Variants in FITM1 observed in about 807,000 individuals in gnomAD.
FITM1 encodes the protein fat storage-inducing transmembrane protein 1.
In FITM1, 11 loss-of-function variants were observed where a neutral mutation model predicts 22.2. The ratio of observed to expected loss-of-function variants is 0.50; its 90% CI spans 0.31 to 0.82. The LOEUF (loss-of-function observed/expected upper bound fraction) is 0.82, where lower values mean the gene tolerates loss of function less well. Among genes scored for constraint, FITM1 ranks in the 40% least tolerant of loss-of-function variants. The pLI is 0.04. For synonymous variants in FITM1, 164 were observed against 174.0 expected, an observed-to-expected ratio of 0.94 and a Z score of 0.45; for missense variants, 394 against 386.4, an observed-to-expected ratio of 1.02 and a Z score of -0.17.
chr14:24,131,905 T>TC, intron 1 of FITM1, 76 bp downstream of exon 1: 1 of 1,497,522 alleles, frequency 6.7e-7, no homozygotes, highest in South Asian at 1.3e-5. Context: ...GCTTCTGTCC[T>TC]CCTGCCAGTC....
In FITM1 at chr14:24,131,688, A is replaced by G; in HGVS notation, c.125A>G (p.Gln42Arg). ...GCCTTGCTGTACTTTGGAAGCGAAC[A>G]GGCCGCCCGCCTTCTGGGCAGCCCC... ...ASALLYFGSE[Q>R]AARLLGSPCL... is the part of the protein sequence containing the mutation. Residue 42 changes from glutamine to arginine, a missense_variant, in exon 1 of 2, where the codon CAG becomes CGG. By Grantham distance (43) the Gln-to-Arg change is conservative. Coordinates refer to ENST00000267426, the MANE Select transcript of FITM1 (RefSeq NM_203402.3). 1 of 1,614,142 alleles carries G rather than the reference A, an allele frequency of 6.2e-7. No homozygotes were observed. The highest frequency in any genetic ancestry group is 8.5e-7 in the Non-Finnish European group (1 of 1,180,048).
Position 24,131,674 on chromosome 14 carries a change from C to T in FITM1, c.111C>T (p.Tyr37=), listed in dbSNP as rs780534140. ...TCTGGGTGGCCTCTGCCTTGCTGTA[C>T]TTTGGAAGCGAACAGGCCGCCCGCC... ...VLLWVASALL[Y]FGSEQAARLL... The change falls in exon 1 of 2, where the codon TAC becomes TAT. Residue 37 remains tyrosine, a synonymous_variant. Transcript: ENST00000267426. 1 of 1,614,102 alleles carries T rather than the reference C, an allele frequency of 6.2e-7. No homozygotes were observed. The highest frequency in any genetic ancestry group is 8.5e-7 in the Non-Finnish European group (1 of 1,180,038).
rs759507646 is a variant in FITM1 at position 24,132,809 on chromosome 14, C to T, written c.865C>T (p.Arg289Cys). ...HGLFPRPHSSRKHN is the reference protein window; with the variant it reads ...HGLFPRPHSSCKHN ...GCTCTTCCCCCGTCCCCACTCCAGC[C>T]GCAAGCATAACTGAAAGAAATAAAA... Residue 289 changes from arginine to cysteine, a missense_variant, in exon 2 of 2, where the codon CGC (arginine) becomes TGC (cysteine). Arg to Cys is a radical substitution (Grantham distance 180). Coordinates refer to ENST00000267426, the MANE Select transcript of FITM1 (RefSeq NM_203402.3). The T allele has an allele frequency of 4.0e-5, 65 of 1,609,418 alleles. No homozygotes were observed. The Middle Eastern group carries it at 2.2e-3, about 53-fold the overall frequency.
Position 24,132,647 on chromosome 14 carries a change from T to C in FITM1, c.703T>C (p.Leu235=), listed in dbSNP as rs760434431. The C allele has an allele frequency of 1.4e-5, 23 of 1,613,606 alleles. No individual in the cohort carries two copies. The highest frequency in any genetic ancestry group is 1.9e-5 in the Non-Finnish European group (23 of 1,180,036). Residue 235 remains leucine (L), a synonymous_variant, in exon 2 of 2, where the codon TTG becomes CTG. Transcript: ENST00000267426. ...GCTGCTGCTGGGCCTCTGGAACTTC[T>C]TGCTGCTCTGTACCGTCATCTATTT... is the stretch of plus-strand genomic sequence containing the variant. ...NVLLLGLWNF[L]LLCTVIYFHQ...
chr14:24,131,818 C>G lies in FITM1; in HGVS notation c.255C>G (p.Asn85Lys). 6.3e-7 allele frequency: 1 copy of G among 1,588,324 alleles called. No homozygotes were observed. The highest frequency in any genetic ancestry group is 1.1e-5 in the South Asian group (1 of 87,482). ...NPRTIFASHG[N>K]FFNIKFVNSA... ...GGACTATCTTCGCCAGCCACGGCAA[C>G]TTCTTCAACATGTGAGTCCACTCAA... is the stretch of plus-strand genomic sequence containing the variant. The change falls in exon 1 of 2, where the codon AAC becomes AAG. Residue 85 changes from asparagine (N) to lysine (K), a missense_variant. Coordinates refer to ENST00000267426, the MANE Select transcript of FITM1 (RefSeq NM_203402.3).
chr14:24,130,996 G>C lies in FITM1; in HGVS notation c.-568G>C, dbSNP rs1594347857. The stretch of plus-strand genomic sequence containing the variant: ...GGGCACTGAAGTGGATACCCATGCT[G>C]ATCTGCCTCCCAAGGCCTATGATGG... On this transcript the variant is annotated 5_prime_UTR_variant, in exon 1 of 2. Coordinates refer to ENST00000267426, the MANE Select transcript of FITM1 (RefSeq NM_203402.3). Among the ~76,000 whole-genome samples the C allele has an allele frequency of 6.6e-6, 1 of 152,368 alleles. No homozygotes were observed. The highest frequency in any genetic ancestry group is 3.4e-3 in the Middle Eastern group (1 of 294).
Position 24,131,273 on chromosome 14 carries a change from C to A in FITM1, c.-291C>A. ...CAGCCCTGAACAGCTGGCCCTGTCA[C>A]AGGAACTGGAACATGGTCGGAGCCA... On this transcript the variant is annotated 5_prime_UTR_variant, in exon 1 of 2. Coordinates refer to ENST00000267426, the MANE Select transcript of FITM1 (RefSeq NM_203402.3). 1 of 616,788 alleles carries A rather than the reference C, an allele frequency of 1.6e-6. No homozygotes were observed. Among genetic ancestry groups the A allele is most frequent in the Non-Finnish European group, 2.9e-6 (1 of 341,076 alleles). The allele number at this position is 616,788 out of a possible 1,614,324, so 38.2% of individuals were successfully genotyped here. A position where few individuals can be genotyped will look rare whatever the true frequency, so the allele number is the denominator to read the frequency against.
In FITM1 at chr14:24,132,459, TGGCAGCCGGCCACCA is replaced by T; in HGVS notation, c.517_531del (p.Ala173_Gln177del). ...GAGCTGCCTGACCGCCGCAGCTGCCTGGCAGCCGGCCACCAGTGGCGAGGCTACACCGTCTCCTCC... is the reference window on the plus strand; with the variant it reads ...GAGCTGCCTGACCGCCGCAGCTGCCTGTGGCGAGGCTACACCGTCTCCTCC... On this transcript the variant is annotated inframe_deletion, in exon 2 of 2. Transcript: ENST00000267426. 6.2e-7 allele frequency: 1 copy of T among 1,605,624 alleles called. No homozygotes were observed. The highest frequency in any genetic ancestry group is 8.5e-7 in the Non-Finnish European group (1 of 1,179,890).
chr14:24,131,661 C>G lies in FITM1; in HGVS notation c.98C>G (p.Ser33Cys). 1.9e-6 allele frequency: 3 copies of G among 1,613,938 alleles called. No homozygotes were observed. Among genetic ancestry groups the G allele is most frequent in the Non-Finnish European group, 2.5e-6 (3 of 1,180,016 alleles). ...CLLKVLLWVA[S>C]ALLYFGSEQA... is the part of the protein sequence containing the mutation. ...CTCAAGGTGCTGCTCTGGGTGGCCT[C>G]TGCCTTGCTGTACTTTGGAAGCGAA... is the stretch of plus-strand genomic sequence containing the variant. The change falls in exon 1 of 2, where the codon TCT (serine) becomes TGT (cysteine). Residue 33 changes from serine to cysteine, a missense_variant. By Grantham distance (112) the Ser-to-Cys change is moderately radical. Coordinates refer to ENST00000267426, the MANE Select transcript of FITM1 (RefSeq NM_203402.3).
At position 24,132,227 on chromosome 14, in the gene FITM1, G is replaced by A. The variant is rs372420911; in HGVS notation, c.283G>A (p.Ala95Thr). 26 of 1,610,840 alleles carry A rather than the reference G, an allele frequency of 1.6e-5. No individual in the cohort carries two copies. The highest frequency in any genetic ancestry group is 3.4e-5 in the Admixed American group (2 of 58,714). ...TGCCCACAGAAAATTTGTGAATTCA[G>A]CCTGGGGCTGGACATGCACTTTCTT... Reference protein sequence around the residue: ...NFFNIKFVNSAWGWTCTFLGG... With the variant: ...NFFNIKFVNSTWGWTCTFLGG... The change falls in exon 2 of 2, where the codon GCC becomes ACC. Residue 95 changes from alanine to threonine, a missense_variant. Ala to Thr is a moderately conservative substitution (Grantham distance 58). Transcript: ENST00000267426.
chr14:24,131,630 T>TGGAATCCAG lies in FITM1; in HGVS notation c.68_69insGAATCCAGG (p.Cys23delinsTrpAsnProGly). The stretch of plus-strand genomic sequence containing the variant: ...GGCCCGAATCCAGGCACTGCTGGGC[T>TGGAATCCAG]GCCTGCTCAAGGTGCTGCTCTGGGT... On this transcript the variant is annotated protein_altering_variant, in exon 1 of 2. Transcript: ENST00000267426. The TGGAATCCAG allele has an allele frequency of 6.2e-7, 1 of 1,612,422 alleles. No homozygotes were observed. The highest frequency in any genetic ancestry group is 8.5e-7 in the Non-Finnish European group (1 of 1,179,420).
rs768301865 is a variant in FITM1, at chr14:24,132,587, GGC to G, written c.646_647del (p.Ala216ProfsTer76). On this transcript the variant is annotated frameshift_variant, in exon 2 of 2. Transcript: ENST00000267426. LOFTEE classifies it high-confidence loss of function. ...GTACCTGGCCCATGGGCTTCCTGCC[GGC>G]GCCCCACTGCGCCTTGTCTTCCTGC... is the stretch of plus-strand genomic sequence containing the variant. ...AKYLAHGLPA[G>X]APLRLVFLLN... The G allele has an allele frequency of 5.8e-5, 94 of 1,610,054 alleles. No homozygotes were observed. The highest frequency in any genetic ancestry group is 7.7e-5 in the Non-Finnish European group (91 of 1,180,026).
Position 24,131,743 on chromosome 14 carries a change from G to A in FITM1, c.180G>A (p.Leu60=), listed in dbSNP as rs1566598448. The A allele has an allele frequency of 6.2e-7, 1 of 1,614,126 alleles. No homozygotes were observed. The highest frequency in any genetic ancestry group is 8.5e-7 in the Non-Finnish European group (1 of 1,180,020). The stretch of plus-strand genomic sequence containing the variant: ...TACGGCGCCTCTACCATGCCTGGCT[G>A]GCAGCAGTGGTCATCTTTGGGCCGC... ...PCLRRLYHAW[L]AAVVIFGPLL... Residue 60 remains leucine (L), a synonymous_variant, in exon 1 of 2, where the codon CTG becomes CTA. Transcript: ENST00000267426.
In FITM1 at chr14:24,131,782, T is replaced by A; in HGVS notation, c.219T>A (p.His73Gln). The change falls in exon 1 of 2, where the codon CAT (histidine) becomes CAA (glutamine). Residue 73 changes from histidine to glutamine, a missense_variant. Transcript: ENST00000267426. ...VVIFGPLLQF[H>Q]VNPRTIFASH... ...TCTTTGGGCCGCTTCTGCAGTTCCATGTCAACCCTCGGACTATCTTCGCCA... is the reference window on the plus strand; with the variant it reads ...TCTTTGGGCCGCTTCTGCAGTTCCAAGTCAACCCTCGGACTATCTTCGCCA... 6.2e-7 allele frequency: 1 copy of A among 1,611,942 alleles called. No individual in the cohort carries two copies. The highest frequency in any genetic ancestry group is 8.5e-7 in the Non-Finnish European group (1 of 1,178,864).
chr14:24,132,175 C>A (rs2037827184), intron 1 of FITM1, 36 bp from the exon 2 acceptor site: 1 of 1,600,744 alleles, frequency 6.2e-7, no homozygotes, highest in African/African-American at 1.4e-5. Flanking sequence ...GGAGATGGAG[C>A]TTGGGGTCTC....
Position 24,132,599 on chromosome 14 carries a change from C to T in FITM1, c.655C>T (p.Arg219Cys), listed in dbSNP as rs570159546. The T allele has an allele frequency of 4.3e-6, 7 of 1,611,452 alleles. No individual in the cohort carries two copies. The highest frequency in any genetic ancestry group is 1.1e-5 in the South Asian group (1 of 91,086). The change falls in exon 2 of 2, where the codon CGC (arginine) becomes TGC (cysteine). Residue 219 changes from arginine to cysteine, a missense_variant. Transcript: ENST00000267426. ...AHGLPAGAPL[R>C]LVFLLNVLLL... The stretch of plus-strand genomic sequence containing the variant: ...TGGGCTTCCTGCCGGCGCCCCACTG[C>T]GCCTTGTCTTCCTGCTGAACGTGCT...
In FITM1 at chr14:24,132,295, C is replaced by A; in HGVS notation, c.351C>A (p.Arg117=). The stretch of plus-strand genomic sequence containing the variant: ...TGGTGGTGTTCCTGGCTACACGGCG[C>A]GTGGCAGTAACTGCCAGACACCTGA... ...VLLVVFLATR[R]VAVTARHLSR... The change falls in exon 2 of 2, where the codon CGC becomes CGA. Residue 117 remains arginine, a synonymous_variant. Transcript: ENST00000267426. The A allele has an allele frequency of 6.2e-7, 1 of 1,613,930 alleles. No homozygotes were observed. The highest frequency in any genetic ancestry group is 8.5e-7 in the Non-Finnish European group (1 of 1,179,918).
chr14:24,132,789 T>TC lies in FITM1; in HGVS notation c.850dup (p.Arg284ProfsTer9). 6.2e-7 allele frequency: 1 copy of TC among 1,611,812 alleles called. No individual in the cohort carries two copies. The highest frequency in any genetic ancestry group is 8.5e-7 in the Non-Finnish European group (1 of 1,179,614). On this transcript the variant is annotated frameshift_variant, in exon 2 of 2. Transcript: ENST00000267426. LOFTEE classifies it high-confidence loss of function. Reference sequence around the variant, plus strand: ...CCAGGGAGCCCAGGCCATGGGCTCTTCCCCCGTCCCCACTCCAGCCGCAAG... The same window carrying TC: ...CCAGGGAGCCCAGGCCATGGGCTCTTCCCCCCGTCCCCACTCCAGCCGCAAG...
In FITM1 at chr14:24,131,042, A is replaced by AC. The variant is rs1490096818; in HGVS notation, c.-520dup. 1.1e-4 allele frequency among the ~76,000 whole-genome samples: 16 copies of AC among 152,202 alleles called. No individual in the cohort carries two copies. Among genetic ancestry groups the AC allele is most frequent in the Non-Finnish European group, 1.0e-4 (7 of 68,032 alleles). On this transcript the variant is annotated 5_prime_UTR_variant, in exon 1 of 2. It removes the in-frame stop codon of an upstream open reading frame in the 5' UTR. Transcript: ENST00000267426. The stretch of plus-strand genomic sequence containing the variant: ...GATGGCCACAGTGCTGTGCACAGCC[A>AC]CCTTGCTGCATCCTGCTGTTGGTGG...
Sources: gnomAD v4.1 joint callset for allele counts (sites outside exome capture counted in the v4.1 genomes callset) on GRCh38, gnomAD v4.1.1 for gene constraint, MANE v1.5 for transcripts, NCBI Gene and HGNC (gene_info 2026-07-23, HGNC 2026-07-21) for gene names.